Variants in ANKS1B observed in about 807,000 individuals in gnomAD.
The protein encoded by ANKS1B is ankyrin repeat and sterile alpha motif domain containing 1B.
Under a neutral mutation model 148.3 loss-of-function variants are expected in ANKS1B, and 36 were observed. The ratio of observed to expected loss-of-function variants is 0.24; its 90% CI spans 0.19 to 0.32. The LOEUF is 0.32. Ranked by LOEUF, ANKS1B falls within the 10% of genes least tolerant of loss-of-function variation. ANKS1B has a pLI of 1.00. For synonymous variants in ANKS1B, 542 were observed against 560.8 expected (o/e 0.97, Z 0.47); for missense variants, 1,157 against 1,542.6 (o/e 0.75, Z 4.19).
intron 12 of ANKS1B, among the ~76,000 whole-genome samples, chr12:99,364,894 A>C (rs2092685995): frequency 6.6e-6 from 1 of 152,196 alleles, no homozygotes; most frequent in Non-Finnish European, 1.5e-5. Flanking sequence ...GCAGTGAGAG[A>C]AGAGACTTTC....
intron 8 of ANKS1B, among the ~76,000 whole-genome samples, chr12:99,689,834 G>C (rs752764478): frequency 6.6e-6 from 1 of 152,146 alleles, no homozygotes; most frequent in Non-Finnish European, 1.5e-5. Flanking sequence ...GCCTGGCAGA[G>C]AACAACTGAA....
At position 98,967,648 on chromosome 12, in the gene ANKS1B, A is replaced by C. The variant is rs547419672; in HGVS notation, c.2778+85509T>G. Among the ~76,000 whole-genome samples the C allele has an allele frequency of 4.4e-3, 373 of 84,906 alleles. 1 individual carries two copies. The highest frequency in any genetic ancestry group is 6.8e-3 in the Admixed American group (50 of 7,350). The allele number at this position is 84,906 out of a possible 152,430, so 55.7% of individuals were successfully genotyped here. On this transcript the variant is annotated intron_variant, in intron 17 of 26. Transcript: ENST00000683438. Reference sequence around the variant, plus strand: ...AGGGTAGAAGAGGGGAGGGGAGGGAAGAGGAGGGGAGAGGAGGGGAGGGGA... The same window carrying C: ...AGGGTAGAAGAGGGGAGGGGAGGGACGAGGAGGGGAGAGGAGGGGAGGGGA...
At chr12:99,729,835 A>C (rs1161765925) in intron 8 of ANKS1B, among the ~76,000 whole-genome samples, 1 of 152,170 alleles carries the variant, frequency 6.6e-6, no homozygotes, top group East Asian at 1.9e-4. Flanking sequence ...AGTGATGTTC[A>C]CTGTCATCCT....
chr12:99,525,363 A>C lies in ANKS1B; in HGVS notation c.1273-20722T>G, dbSNP rs561296012. ...CCCTCCAACTCCAACTTAGTTCTTG[A>C]CAAGTAAGCCTAAAGTGCATTTGGA... On this transcript the variant is annotated intron_variant, in intron 9 of 26. Transcript: ENST00000683438. 4.6e-5 allele frequency among the ~76,000 whole-genome samples: 7 copies of C among 152,336 alleles called. No homozygotes were observed. In the South Asian group the frequency reaches 1.4e-3, roughly 32 times the overall value.
chr12:99,661,627 C>T (rs546677597), intron 8 of ANKS1B, among the ~76,000 whole-genome samples: 2 of 152,262 alleles, frequency 1.3e-5, no homozygotes, highest in African/African-American at 4.8e-5. Flanking sequence ...CCTCTTGCCT[C>T]GTACCTTACC....
Position 98,751,319 on chromosome 12 carries a change from A to T in ANKS1B, c.3747+36T>A. 6.2e-7 allele frequency: 1 copy of T among 1,605,988 alleles called. No homozygotes were observed. The highest frequency in any genetic ancestry group is 8.5e-7 in the Non-Finnish European group (1 of 1,176,070). On this transcript the variant is annotated intron_variant, in intron 26 of 26. Coordinates refer to ENST00000683438, the MANE Select transcript of ANKS1B (RefSeq NM_001352186.2). This position sits in a 1 kb window ranked among gnomAD's most constrained non-coding sequence, Gnocchi z 4.3. ...TTAGCAGCCCCTTTTCCTCCTGTTC[A>T]AGGTTTTTTAGAACATCTGTATCGT... is the stretch of plus-strand genomic sequence containing the variant.
intron 22 of ANKS1B, 135 bp downstream of exon 22, chr12:98,798,798 AC>A: frequency 1.7e-6 from 1 of 592,736 alleles, no homozygotes; most frequent in South Asian, 3.1e-5. Flanking sequence ...AAGCAAGAGC[AC>A]CTTTTTATGT....
At chr12:98,870,745 T>C (rs956498513) in intron 17 of ANKS1B, among the ~76,000 whole-genome samples, 5 of 152,198 alleles carry the variant, frequency 3.3e-5, no homozygotes, top group African/African-American at 2.4e-5. Context: ...TCGTTATCCA[T>C]CTCACCCTTC....
At chr12:98,983,690 A>G (rs1329426477) in intron 17 of ANKS1B, among the ~76,000 whole-genome samples, 1 of 152,178 alleles carries the variant, frequency 6.6e-6, no homozygotes. Context: ...CATCAGTTCA[A>G]AGTCTAAAAT....
chr12:99,847,043 G>A (rs755444416), intron 1 of ANKS1B, among the ~76,000 whole-genome samples: 5 of 151,096 alleles, frequency 3.3e-5, no homozygotes, highest in African/African-American at 4.9e-5. Flanking sequence ...GTTTTGGCAC[G>A]CTAAGTACTT....
chr12:99,237,902 C>G (rs1278382995), intron 14 of ANKS1B, among the ~76,000 whole-genome samples: 1 of 152,194 alleles, frequency 6.6e-6, no homozygotes, highest in East Asian at 1.9e-4. Flanking sequence ...CAGGCACATG[C>G]CTAGCACATA....
At chr12:99,104,527 C>T (rs1161319907) in intron 15 of ANKS1B, 1 of 152,132 alleles carries the variant, frequency 6.6e-6, no homozygotes, top group East Asian at 1.9e-4. Flanking sequence ...CTTCAGGTCT[C>T]AAGTTTTGAT....
chr12:99,549,038 C>T (rs1384387175), intron 9 of ANKS1B, among the ~76,000 whole-genome samples: 9 of 152,110 alleles, frequency 5.9e-5, no homozygotes, highest in Non-Finnish European at 1.3e-4. Context: ...GTGGGGGTGA[C>T]TAGCAATTTA....
chr12:99,263,834 G>A (rs911407331), intron 12 of ANKS1B, among the ~76,000 whole-genome samples: 4 of 152,134 alleles, frequency 2.6e-5, no homozygotes, highest in East Asian at 1.9e-4. Flanking sequence ...CCCTAGTCAC[G>A]TGAAACGTGA....
intron 14 of ANKS1B, among the ~76,000 whole-genome samples, chr12:99,185,547 GT>G: frequency 6.6e-6 from 1 of 152,276 alleles, no homozygotes; most frequent in South Asian, 2.1e-4. Flanking sequence ...GAGGTACCCG[GT>G]TTGTCTCATT....
At chr12:99,916,430 G>C (rs1247412315) in intron 1 of ANKS1B, among the ~76,000 whole-genome samples, 2 of 152,128 alleles carry the variant, frequency 1.3e-5, no homozygotes, top group Non-Finnish European at 2.9e-5. Context: ...ATAATAAATG[G>C]AGCCCTGACT....
At chr12:99,494,873 T>C (rs75107952) in intron 10 of ANKS1B, among the ~76,000 whole-genome samples, 4,414 of 152,090 alleles carry the variant, frequency 0.029, 92 homozygotes, top group South Asian at 0.087. Context: ...GAAAACCCCC[T>C]GTATCTTAAC....
intron 1 of ANKS1B, among the ~76,000 whole-genome samples, chr12:99,880,290 A>G (rs1414257656): frequency 1.3e-5 from 2 of 152,246 alleles, no homozygotes; most frequent in Non-Finnish European, 2.9e-5. Flanking sequence ...CCAATTTTAT[A>G]AAAGATAAAA....
intron 19 of ANKS1B, among the ~76,000 whole-genome samples, chr12:98,827,737 G>T (rs1011710514): frequency 6.6e-6 from 1 of 152,132 alleles, no homozygotes; most frequent in Non-Finnish European, 1.5e-5. Context: ...CTATACTGCG[G>T]TTGACACAGT....
Sources: allele counts gnomAD v4.1 joint callset (sites outside exome capture counted in the v4.1 genomes callset), GRCh38; gene constraint gnomAD v4.1.1; non-coding constraint Gnocchi (gnomAD v3.1); transcripts MANE v1.5; gene names NCBI Gene and HGNC (gene_info 2026-07-23, HGNC 2026-07-21).